Variants in FAT3 observed in about 807,000 individuals in gnomAD.
FAT3 encodes protocadherin Fat 3.
FAT3 carries 95 observed loss-of-function variants against 310.2 expected under a neutral mutation model. The ratio of observed to expected loss-of-function variants is 0.31; its 90% CI spans 0.26 to 0.36. The LOEUF is 0.36. Among genes scored for constraint, FAT3 ranks in the 10% least tolerant of loss-of-function variants. The probability of loss-of-function intolerance (pLI) is 1.00; values close to 1 mark genes in which losing one functional copy is unlikely to be tolerated. For missense variants in FAT3, 5,408 were observed against 5,715.6 expected (o/e 0.95, Z 1.74); for synonymous variants, 2,314 against 2,192.9 (o/e 1.06, Z -1.54).
chr11:92,712,521 C>G lies in FAT3; in HGVS notation c.3669+15076C>G, dbSNP rs561095469. Among the ~76,000 whole-genome samples the G allele has an allele frequency of 3.1e-4, 47 of 152,238 alleles. 1 individual carries two copies. The highest frequency in any genetic ancestry group is 1.1e-3 in the African/African-American group (47 of 41,552). ...CCATAGATTACAAGGTCCTTAATGA[C>G]TGTTTTTGTTTTCTTCCTGGTACTG... is the stretch of plus-strand genomic sequence containing the variant. On this transcript the variant is annotated intron_variant, in intron 4 of 27. Transcript: ENST00000525166.
chr11:92,593,381 G>T (rs1266822052), intron 3 of FAT3, among the ~76,000 whole-genome samples: 1 of 151,636 alleles, frequency 6.6e-6, no homozygotes, highest in Non-Finnish European at 1.5e-5. Context: ...TTTTTCTATA[G>T]CAGCTGTGCC....
intron 3 of FAT3, among the ~76,000 whole-genome samples, chr11:92,531,014 C>G (rs914819134): frequency 6.6e-6 from 1 of 152,006 alleles, no homozygotes; most frequent in African/African-American, 2.4e-5. Context: ...GATGGCAGAG[C>G]CCCTCCTAAT....
chr11:92,312,218 TC>T (rs1947324740), intron 1 of FAT3, among the ~76,000 whole-genome samples: 1 of 152,208 alleles, frequency 6.6e-6, no homozygotes, highest in Non-Finnish European at 1.5e-5. Flanking sequence ...CTACAGGAAT[TC>T]GTGATTCTGT....
chr11:92,336,942 G>A (rs922388187), intron 1 of FAT3, among the ~76,000 whole-genome samples: 1 of 152,100 alleles, frequency 6.6e-6, no homozygotes, highest in Non-Finnish European at 1.5e-5. Flanking sequence ...CTTTTGGTCT[G>A]GGGCTTGGAC....
At chr11:92,830,345 G>A (rs1024492452) in intron 13 of FAT3, among the ~76,000 whole-genome samples, 12 of 152,176 alleles carry the variant, frequency 7.9e-5, no homozygotes, top group African/African-American at 2.4e-4. Flanking sequence ...TAGTTTGTAT[G>A]TTTTAGCTTT....
At chr11:92,720,523 A>G (rs985034816) in intron 4 of FAT3, among the ~76,000 whole-genome samples, 11 of 152,220 alleles carry the variant, frequency 7.2e-5, no homozygotes, top group South Asian at 2.1e-4. Flanking sequence ...GCTTTCATTG[A>G]AAAACATGTC....
chr11:92,830,460 G>C (rs988982826), intron 13 of FAT3, among the ~76,000 whole-genome samples: 5 of 152,174 alleles, frequency 3.3e-5, no homozygotes, highest in African/African-American at 1.2e-4. Flanking sequence ...CCTTGATGGA[G>C]TATTCCAGGC....
intron 4 of FAT3, among the ~76,000 whole-genome samples, chr11:92,705,794 ATGGTGTTGGTGT>A (rs1565527704): frequency 1.7e-4 from 6 of 35,234 alleles, no homozygotes; most frequent in African/African-American, 6.8e-4. Context: ...TGGTGGTGTG[ATGGTGTTGGTGT>A]TGGTGGTGGT....
chr11:92,229,356 T>C (rs1417392059), intron 1 of FAT3, among the ~76,000 whole-genome samples: 1 of 151,936 alleles, frequency 6.6e-6, no homozygotes, highest in Admixed American at 6.6e-5. Flanking sequence ...ACTCAGAGAG[T>C]AAATATCTTT....
chr11:92,297,475 C>A (rs957765779), intron 1 of FAT3, among the ~76,000 whole-genome samples: 6 of 151,908 alleles, frequency 3.9e-5, no homozygotes, highest in Non-Finnish European at 2.9e-5. Flanking sequence ...TTATTCTGAC[C>A]ATCAAATGAC....
At chr11:92,720,458 G>C (rs140324071) in intron 4 of FAT3, among the ~76,000 whole-genome samples, 6 of 152,118 alleles carry the variant, frequency 3.9e-5, no homozygotes, top group Non-Finnish European at 8.8e-5. Flanking sequence ...TACATAGTTC[G>C]TTTCTATAAA....
intron 2 of FAT3, chr11:92,400,353 A>T (rs1211939997): frequency 1.3e-5 from 2 of 152,182 alleles, no homozygotes; most frequent in Non-Finnish European, 2.9e-5. Context: ...CACAAAATGT[A>T]TAGGCTTTTG....
chr11:92,541,369 T>C (rs1047025315), intron 3 of FAT3, among the ~76,000 whole-genome samples: 6 of 152,190 alleles, frequency 3.9e-5, no homozygotes, highest in African/African-American at 1.2e-4. Context: ...AAGATTCTTA[T>C]ACCTTTCTGA....
chr11:92,600,761 G>GA (rs899784758), intron 3 of FAT3, among the ~76,000 whole-genome samples: 3 of 151,940 alleles, frequency 2.0e-5, no homozygotes, highest in African/African-American at 4.8e-5. Flanking sequence ...AAAACTCCTG[G>GA]AAAAAAAATA....
At position 92,800,438 on chromosome 11, in the gene FAT3, G is replaced by C. The variant is rs1470985627; in HGVS notation, c.7425G>C (p.Leu2475Phe). The C allele has an allele frequency of 1.2e-6, 2 of 1,613,890 alleles. No homozygotes were observed. Among genetic ancestry groups the C allele is most frequent in the African/African-American group, 2.7e-5 (2 of 74,934 alleles). The change falls in exon 10 of 28, where the codon TTG becomes TTC. Residue 2475 changes from leucine to phenylalanine, a missense_variant. Physicochemically the swap from Leu to Phe is conservative, Grantham distance 22 (BLOSUM62 0). Around this residue, in one of 5 missense-constraint regions of FAT3, gnomAD observed 4,588 missense variants for 4,809.8 expected, o/e 0.95. Coordinates refer to ENST00000525166, the MANE Select transcript of FAT3 (RefSeq NM_001367949.2). ...YSLNVSVSDGLFTSTAQVHIR... is the reference protein window; with the variant it reads ...YSLNVSVSDGFFTSTAQVHIR... ...TCAATGTGTCTGTCTCTGATGGGTT[G>C]TTCACCAGCACTGCACAGGTGCATA... is the stretch of plus-strand genomic sequence containing the variant.
At chr11:92,340,819 A>G (rs1270392949) in intron 1 of FAT3, among the ~76,000 whole-genome samples, 1 of 152,180 alleles carries the variant, frequency 6.6e-6, no homozygotes, top group Non-Finnish European at 1.5e-5. Flanking sequence ...CCAGTCAATA[A>G]TAAATAACTT....
At chr11:92,617,772 G>T (rs506835) in intron 3 of FAT3, among the ~76,000 whole-genome samples, 2 of 151,968 alleles carry the variant, frequency 1.3e-5, no homozygotes, top group Non-Finnish European at 2.9e-5. Context: ...TTGCCCGGGT[G>T]TCACCAGCGG....
intron 3 of FAT3, among the ~76,000 whole-genome samples, chr11:92,689,969 G>T (rs1040935352): frequency 3.3e-5 from 5 of 152,180 alleles, no homozygotes; most frequent in African/African-American, 1.2e-4. Flanking sequence ...GGGCTTGCCT[G>T]AACCTTAGAA....
intron 1 of FAT3, among the ~76,000 whole-genome samples, chr11:92,270,890 A>G (rs1419360584): frequency 2.0e-5 from 3 of 152,004 alleles, no homozygotes; most frequent in Admixed American, 6.6e-5. Context: ...CCAATTTCTT[A>G]GGACCCAAAG....
Sources: gnomAD v4.1 joint callset for allele counts (sites outside exome capture counted in the v4.1 genomes callset) on GRCh38, gnomAD v4.1.1 for gene constraint, gnomAD v4.1.1 regional missense constraint, MANE v1.5 for transcripts, NCBI Gene and HGNC (gene_info 2026-07-23, HGNC 2026-07-21) for gene names.